The following KIF14 variants were observed in gnomAD, a reference collection of about 807,000 sequenced individuals.
The protein encoded by KIF14 is kinesin family member 14.
In KIF14, 98 loss-of-function variants were observed where a neutral mutation model predicts 176.2. The observed-to-expected ratio is 0.56, with a 90% CI of 0.47 to 0.66. The LOEUF is 0.66. KIF14 is among the 30% of genes least tolerant of loss of function. The pLI is 0.00. For missense variants in KIF14, 1,751 were observed against 1,920.4 expected, an observed-to-expected ratio of 0.91 and a Z score of 1.65; for synonymous variants, 566 against 632.2, an observed-to-expected ratio of 0.90 and a Z score of 1.57.
intron 23 of KIF14, among the ~76,000 whole-genome samples, chr1:200,566,283 C>CT (rs766736888): frequency 6.6e-4 from 92 of 139,602 alleles, no homozygotes; most frequent in Admixed American, 1.2e-3. Context: ...TTCTTTCTTT[C>CT]TTTTTTTTTT....
At chr1:200,612,881 C>CTTTTTT (rs58120760) in intron 4 of KIF14, among the ~76,000 whole-genome samples, 49 of 79,110 alleles carry the variant, frequency 6.2e-4, no homozygotes, top group Non-Finnish European at 7.3e-4. Context: ...AGTTTATTCT[C>CTTTTTT]TTTTTTTTTT....
Position 200,581,203 on chromosome 1 carries a change from G to A in KIF14, c.3333C>T (p.Gly1111=), listed in dbSNP as rs1394970813. 1.9e-6 allele frequency: 3 copies of A among 1,565,098 alleles called. No homozygotes were observed. The highest frequency in any genetic ancestry group is 2.6e-6 in the Non-Finnish European group (3 of 1,149,414). ...AATCAGGATAATTAATTACTCACCT[G>A]CCAAAAACATAGTATGTTTTCAATT... ...SSKLKTYYVF[G]RHDISDKSSS... The change falls in exon 20 of 30, where the codon GGC becomes GGT. Residue 1111 remains glycine, a splice_region_variant and synonymous_variant. Transcript: ENST00000367350.
chr1:200,601,910 G>A lies in KIF14; in HGVS notation c.2138C>T (p.Ala713Val). ...NIAKVNEDMNAKLIRELKAEI... is the reference protein window; with the variant it reads ...NIAKVNEDMNVKLIRELKAEI... ...AAAATATTCACCTCTAATTAACTTAGCGTTCATATCTTCATTTACTTTAGC... is the reference window on the plus strand; with the variant it reads ...AAAATATTCACCTCTAATTAACTTAACGTTCATATCTTCATTTACTTTAGC... Residue 713 changes from alanine (A) to valine (V), a missense_variant, in exon 11 of 30, where the codon GCT becomes GTT. Physicochemically the swap from Ala to Val is moderately conservative, Grantham distance 64 (BLOSUM62 0). Transcript: ENST00000367350. 1 of 1,606,708 alleles carries A rather than the reference G, an allele frequency of 6.2e-7. No individual in the cohort carries two copies. The highest frequency in any genetic ancestry group is 1.1e-5 in the South Asian group (1 of 89,212).
intron 14 of KIF14, 25 bp downstream of exon 14, chr1:200,598,212 C>CTT: frequency 1.3e-6 from 2 of 1,556,116 alleles, no homozygotes; most frequent in Non-Finnish European, 1.7e-6. Flanking sequence ...GGTGCCTTTT[C>CTT]TTTTTTTTTA....
rs148957355 is a variant in KIF14 at position 200,553,720 on chromosome 1, G to A, written c.4615C>T (p.Arg1539Cys). The A allele has an allele frequency of 3.1e-5, 50 of 1,610,850 alleles. No homozygotes were observed. Among genetic ancestry groups the A allele is most frequent in the Non-Finnish European group, 3.7e-5 (44 of 1,177,748 alleles). The change falls in exon 30 of 30, where the codon CGC becomes TGC. Residue 1539 changes from arginine to cysteine, a missense_variant. By Grantham distance (180) the Arg-to-Cys change is radical. Coordinates refer to ENST00000367350, the MANE Select transcript of KIF14 (RefSeq NM_014875.3). ...CTGTAAAAATCACTGGCCAAGTTGC[G>A]AATACTTTCAACACAAGTCTGGAGA... ...NLLQTCVESI[R>C]NLASDFYSDF...
At chr1:200,576,083 G>A (rs1022227081) in intron 21 of KIF14, among the ~76,000 whole-genome samples, 4 of 152,130 alleles carry the variant, frequency 2.6e-5, no homozygotes, top group Non-Finnish European at 5.9e-5. Context: ...CATATTTAAC[G>A]TAATAACAAT....
chr1:200,566,681 G>A (rs1335482384), intron 23 of KIF14, among the ~76,000 whole-genome samples: 1 of 151,654 alleles, frequency 6.6e-6, no homozygotes, highest in Non-Finnish European at 1.5e-5. Flanking sequence ...ATAGCACACT[G>A]AGCCTCAAAC....
chr1:200,560,971 C>CT, intron 25 of KIF14, 91 bp from the exon 26 acceptor site: 2 of 1,214,896 alleles, frequency 1.6e-6, no homozygotes, highest in Non-Finnish European at 2.4e-6. Context: ...CGGCTCACGC[C>CT]TGTAATTCCA....
intron 17 of KIF14, 38 bp from the exon 18 acceptor site, chr1:200,589,407 ACCGTAGC>A (rs1403577296): frequency 6.5e-7 from 1 of 1,540,260 alleles, no homozygotes; most frequent in Admixed American, 2.0e-5. Flanking sequence ...TCAGGCAAAA[ACCGTAGC>A]AAAAAAGTAC....
At chr1:200,615,292 T>C (rs1277311866) in intron 3 of KIF14, 63 bp downstream of exon 3, 11 of 1,469,412 alleles carry the variant, frequency 7.5e-6, no homozygotes, top group Non-Finnish European at 1.0e-5. Context: ...ATCACCCCTA[T>C]GCCACTTCTC....
intron 21 of KIF14, among the ~76,000 whole-genome samples, chr1:200,577,881 C>T (rs1388925808): frequency 6.6e-6 from 1 of 151,456 alleles, no homozygotes; most frequent in Non-Finnish European, 1.5e-5. Context: ...TAAGATTTAT[C>T]TGTTCTTTGG....
At position 200,618,119 on chromosome 1, in the gene KIF14, G is replaced by GT; in HGVS notation, c.604_605insA (p.Ala202AspfsTer4). On this transcript the variant is annotated frameshift_variant, in exon 2 of 30. Coordinates refer to ENST00000367350, the MANE Select transcript of KIF14 (RefSeq NM_014875.3). LOFTEE classifies it high-confidence loss of function. ...AACATTTTCATTTGCTCTACTGGGG[G>GT]CAGAAAATGTTTCTTTGTATTTCTT... The GT allele has an allele frequency of 6.2e-7, 1 of 1,614,042 alleles. No individual in the cohort carries two copies. The highest frequency in any genetic ancestry group is 8.5e-7 in the Non-Finnish European group (1 of 1,180,020).
At chr1:200,581,760 C>CTTTTTTTTTTTTTTTTTTTTTTTTTT (rs1558064089) in intron 19 of KIF14, among the ~76,000 whole-genome samples, 1 of 102,406 alleles carries the variant, frequency 9.8e-6, no homozygotes, top group African/African-American at 3.6e-5. Context: ...ATTTCACTTT[C>CTTTTTTTTTTTTTTTTTTTTTTTTTT]CTTTTTTTTT....
At chr1:200,591,418 C>G (rs1659044820) in intron 16 of KIF14, among the ~76,000 whole-genome samples, 2 of 152,230 alleles carry the variant, frequency 1.3e-5, no homozygotes, top group Admixed American at 1.3e-4. Flanking sequence ...CCAGTGATCT[C>G]TCTAAAAATG....
chr1:200,577,038 G>A (rs1658156094), intron 21 of KIF14, among the ~76,000 whole-genome samples: 1 of 151,974 alleles, frequency 6.6e-6, no homozygotes. Context: ...GGCTGGGTGT[G>A]GTGGCTCATG....
At chr1:200,570,527 T>C (rs1200486840) in intron 22 of KIF14, among the ~76,000 whole-genome samples, 1 of 152,092 alleles carries the variant, frequency 6.6e-6, no homozygotes, top group Non-Finnish European at 1.5e-5. Flanking sequence ...GAAGACCTGA[T>C]AAATGAAAGT....
At chr1:200,608,608 C>A (rs1049334031) in intron 5 of KIF14, among the ~76,000 whole-genome samples, 4 of 152,074 alleles carry the variant, frequency 2.6e-5, no homozygotes, top group African/African-American at 9.7e-5. Flanking sequence ...GGCAGTCTGC[C>A]CCCCTCAGCC....
At position 200,557,651 on chromosome 1, in the gene KIF14, T is replaced by A. The variant is rs185474541; in HGVS notation, c.4353+1679A>T. On this transcript the variant is annotated intron_variant, in intron 27 of 29. Coordinates refer to ENST00000367350, the MANE Select transcript of KIF14 (RefSeq NM_014875.3). ...TAACCCTGTAGTATGAGCAAAGGGA[T>A]GGAGAATCTCTGTGGCTTACACAGT... is the stretch of plus-strand genomic sequence containing the variant. Among the ~76,000 whole-genome samples the A allele has an allele frequency of 2.0e-5, 3 of 152,264 alleles. No individual in the cohort carries two copies. The East Asian group carries it at 5.8e-4, about 29-fold the overall frequency.
intron 27 of KIF14, 147 bp downstream of exon 27, chr1:200,559,183 A>G (rs1224195149): frequency 2.2e-6 from 1 of 446,644 alleles, no homozygotes; most frequent in Non-Finnish European, 3.7e-6. Flanking sequence ...AAATATCACC[A>G]TAAGATCATG....
Sources: allele counts gnomAD v4.1 joint callset (sites outside exome capture counted in the v4.1 genomes callset), GRCh38; gene constraint gnomAD v4.1.1; transcripts MANE v1.5; gene names NCBI Gene and HGNC (gene_info 2026-07-23, HGNC 2026-07-21).